The following NLRP13 variants were observed in gnomAD, a reference collection of about 807,000 sequenced individuals.
NLRP13 encodes NACHT, LRR and PYD domains-containing protein 13.
Under a neutral mutation model 94.4 loss-of-function variants are expected in NLRP13, and 82 were observed. That is an observed-to-expected ratio of 0.87 (90% confidence interval 0.73 to 1.04). The LOEUF (loss-of-function observed/expected upper bound fraction) is 1.04. Ranked by LOEUF, NLRP13 falls within the 50% of genes least tolerant of loss-of-function variation. The pLI, the probability that NLRP13 is intolerant of heterozygous loss-of-function variation, is 0.00. For missense variants in NLRP13, 1,426 were observed against 1,230.8 expected, an observed-to-expected ratio of 1.16 and a Z score of -2.37; for synonymous variants, 553 against 464.7, an observed-to-expected ratio of 1.19 and a Z score of -2.45.
chr19:55,924,400 G>A (rs1043210748), intron 3 of NLRP13, among the ~76,000 whole-genome samples, 190 bp downstream of exon 3: 13 of 152,120 alleles, frequency 8.5e-5, no homozygotes, highest in African/African-American at 3.1e-4. Flanking sequence ...TGGAATTGCA[G>A]ATATGAGCCG....
chr19:55,921,406 TTATATA>T (rs926600588), intron 4 of NLRP13, among the ~76,000 whole-genome samples: 2 of 152,146 alleles, frequency 1.3e-5, no homozygotes, highest in Non-Finnish European at 2.9e-5. Flanking sequence ...AAGCTTTAGA[TTATATA>T]TATATGTTTT....
rs755675623 is a variant in NLRP13 at position 55,932,144 on chromosome 19, G to A, written c.168C>T (p.Pro56=). 1.9e-6 allele frequency: 3 copies of A among 1,614,052 alleles called. No individual in the cohort carries two copies. The highest frequency in any genetic ancestry group is 1.7e-5 in the Admixed American group (1 of 60,008). ...GGTCGGCAGCTCTCAAGTTTGCCCA[G>A]GGGATACGCGGGAAGTGCCCCTGGG... ...SAPQGHFPRI[P]WANLRAADPL... The change falls in exon 1 of 11, where the codon CCC becomes CCT. Residue 56 remains proline (P), a synonymous_variant. Transcript: ENST00000342929.
intron 8 of NLRP13, among the ~76,000 whole-genome samples, chr19:55,902,949 CAA>C (rs1491054882): frequency 3.3e-4 from 49 of 149,410 alleles, no homozygotes; most frequent in South Asian, 6.3e-4. Context: ...TAAATTATAA[CAA>C]CTAATTGTTA....
Position 55,911,582 on chromosome 19 carries a change from C to G in NLRP13, c.2111+124G>C, listed in dbSNP as rs543677262. The G allele has an allele frequency of 1.9e-5, 17 of 895,668 alleles. No homozygotes were observed. The East Asian group carries it at 4.2e-4, about 22-fold the overall frequency. The allele number at this position is 895,668 out of a possible 1,614,324, so 55.5% of individuals were successfully genotyped here. A position where few individuals can be genotyped will look rare whatever the true frequency, so the allele number is the denominator to read the frequency against. On this transcript the variant is annotated intron_variant, in intron 5 of 10. Coordinates refer to ENST00000342929, the MANE Select transcript of NLRP13 (RefSeq NM_176810.2). ...TCTTTCAAGTTAGAGCTGCTCCAGACCATTTGGTCGGAAATAAGCACGAAT... is the reference window on the plus strand; with the variant it reads ...TCTTTCAAGTTAGAGCTGCTCCAGAGCATTTGGTCGGAAATAAGCACGAAT...
intron 1 of NLRP13, among the ~76,000 whole-genome samples, chr19:55,928,939 A>C (rs1987035873): frequency 1.3e-5 from 2 of 151,612 alleles, no homozygotes; most frequent in African/African-American, 4.9e-5. Context: ...AATTTACAAG[A>C]AAAAAAAATC....
At position 55,918,253 on chromosome 19, in the gene NLRP13, C is replaced by CAAAAAA. The variant is rs34099048; in HGVS notation, c.524-4966_524-4961dup. Among the ~76,000 whole-genome samples the CAAAAAA allele has an allele frequency of 7.7e-3, 1,002 of 130,626 alleles. 9 individuals carry two copies. The highest frequency in any genetic ancestry group is 0.027 in the African/African-American group (927 of 34,752). 85.7% of individuals were successfully genotyped at this position (130,626 alleles called of 152,430 possible). A position where few individuals can be genotyped will look rare whatever the true frequency, so the allele number is the denominator to read the frequency against. ...ACATATCAAAACCTCTGTGATACAG[C>CAAAAAA]AAAAAAAAAAAAAAAGTTTATAGCA... On this transcript the variant is annotated intron_variant, in intron 4 of 10. Transcript: ENST00000342929.
intron 4 of NLRP13, among the ~76,000 whole-genome samples, chr19:55,921,767 C>A (rs1016554037): frequency 6.6e-6 from 1 of 152,082 alleles, no homozygotes; most frequent in Non-Finnish European, 1.5e-5. Flanking sequence ...GAGGAAAAGA[C>A]ATAGCAGGTG....
chr19:55,902,199 C>G lies in NLRP13; in HGVS notation c.2625G>C (p.Trp875Cys), dbSNP rs1473621814. The G allele has an allele frequency of 6.2e-7, 1 of 1,613,684 alleles. No individual in the cohort carries two copies. Among genetic ancestry groups the G allele is most frequent in the South Asian group, 1.1e-5 (1 of 91,058 alleles). ...PKCALERLEL[W>C]FCQLAAPACK... ...AAGCGGGTGCTGCCAGCTGGCAAAA[C>G]CAGAGCCTGCAGGGTGAAAGCCACA... The change falls in exon 9 of 11, where the codon TGG becomes TGC. Residue 875 changes from tryptophan (W) to cysteine (C), a missense_variant. Trp to Cys is a radical substitution (Grantham distance 215). Transcript: ENST00000342929.
At chr19:55,931,779 G>A (rs148554434) in intron 1 of NLRP13, among the ~76,000 whole-genome samples, 2 of 139,516 alleles carry the variant, frequency 1.4e-5, no homozygotes, top group Non-Finnish European at 3.1e-5. Flanking sequence ...TGCCTCTTCC[G>A]ATTCCCTTTC....
rs368206871 is a variant in NLRP13, at chr19:55,911,746, C to T, written c.2071G>A (p.Val691Ile). 10 of 1,611,656 alleles carry T rather than the reference C, an allele frequency of 6.2e-6. No individual in the cohort carries two copies. Among genetic ancestry groups the T allele is most frequent in the Non-Finnish European group, 7.6e-6 (9 of 1,178,800 alleles). ...CKRLNKLRLSVSSHILERDLE... is the reference protein window; with the variant it reads ...CKRLNKLRLSISSHILERDLE... ...TCCCTTTCAAGGATGTGACTGCTAA[C>T]AGAAAGCCTTAGCTTATTTAACCTT... Residue 691 changes from valine to isoleucine, a missense_variant, in exon 5 of 11, where the codon GTT becomes ATT. Val to Ile is a conservative substitution (Grantham distance 29, BLOSUM62 3). Coordinates refer to ENST00000342929, the MANE Select transcript of NLRP13 (RefSeq NM_176810.2).
chr19:55,915,978 A>C (rs303993), intron 4 of NLRP13, among the ~76,000 whole-genome samples: 3 of 152,104 alleles, frequency 2.0e-5, no homozygotes, highest in African/African-American at 7.2e-5. Flanking sequence ...AAAAGCTGCT[A>C]ACACAAGTAA....
chr19:55,915,523 G>A (rs542550953), intron 4 of NLRP13, among the ~76,000 whole-genome samples: 2 of 152,084 alleles, frequency 1.3e-5, no homozygotes, highest in Non-Finnish European at 1.5e-5. Flanking sequence ...ACTTGAACCC[G>A]GGAGGCAGAG....
intron 1 of NLRP13, among the ~76,000 whole-genome samples, chr19:55,926,700 A>G (rs1443377201): frequency 6.6e-6 from 1 of 152,170 alleles, no homozygotes; most frequent in African/African-American, 2.4e-5. Flanking sequence ...GTTAAACCTC[A>G]CTGCCCATGC....
At chr19:55,923,865 A>AGGT in intron 4 of NLRP13, 49 bp downstream of exon 4, 1 of 1,396,748 alleles carries the variant, frequency 7.2e-7, no homozygotes, top group Non-Finnish European at 1.0e-6. Flanking sequence ...AGTGAAACCA[A>AGGT]TGCTCGTCAA....
At chr19:55,907,547 G>A (rs548690256) in intron 7 of NLRP13, among the ~76,000 whole-genome samples, 15 of 152,260 alleles carry the variant, frequency 9.9e-5, no homozygotes, top group African/African-American at 3.1e-4. Flanking sequence ...ACTCCAGCCC[G>A]GGGAACAGAG....
chr19:55,917,504 T>C (rs1210245588), intron 4 of NLRP13, among the ~76,000 whole-genome samples: 1 of 151,630 alleles, frequency 6.6e-6, no homozygotes, highest in Non-Finnish European at 1.5e-5. Flanking sequence ...TTTTAAAACA[T>C]AAGCCAAATA....
Position 55,912,188 on chromosome 19 carries a change from A to G in NLRP13, c.1629T>C (p.Phe543=). ...CCTCTAGCACAAAGGACATGGCTGC[A>G]AAAAACTCCTGGAAACTTAGGTGGG... ...TFTHLSFQEF[F]AAMSFVLEEP... is the part of the protein sequence containing the mutation. The change falls in exon 5 of 11, where the codon TTT becomes TTC. Residue 543 remains phenylalanine (F), a synonymous_variant. Transcript: ENST00000342929. 1 of 1,614,174 alleles carries G rather than the reference A, an allele frequency of 6.2e-7. No individual in the cohort carries two copies.
At chr19:55,899,006 G>T in intron 9 of NLRP13, 69 bp from the exon 10 acceptor site, 10 of 1,482,392 alleles carry the variant, frequency 6.7e-6, no homozygotes, top group Non-Finnish European at 9.1e-6. Context: ...GTTTACAACT[G>T]CCCATCTCAC....
intron 4 of NLRP13, among the ~76,000 whole-genome samples, chr19:55,918,617 C>G (rs1986734066): frequency 6.6e-6 from 1 of 151,910 alleles, no homozygotes; most frequent in Non-Finnish European, 1.5e-5. Context: ...AAACTAAAAA[C>G]CCAAGAAGAA....
Sources: allele counts gnomAD v4.1 joint callset (sites outside exome capture counted in the v4.1 genomes callset), GRCh38; gene constraint gnomAD v4.1.1; transcripts MANE v1.5; gene names NCBI Gene and HGNC (gene_info 2026-07-23, HGNC 2026-07-21).